Variants in CPSF7 observed in about 807,000 individuals in gnomAD.
CPSF7 encodes the protein cleavage and polyadenylation specificity factor subunit 7.
In CPSF7, 1 loss-of-function variant was observed where a neutral mutation model predicts 44.3. That is an observed-to-expected ratio of 0.02 (90% confidence interval 0.01 to 0.11). The LOEUF is 0.11. CPSF7 is among the 10% of genes least tolerant of loss of function. The pLI, the probability that CPSF7 is intolerant of heterozygous loss-of-function variation, is 1.00. For missense variants in CPSF7, 443 were observed against 607.2 expected, an observed-to-expected ratio of 0.73 and a Z score of 2.84; for synonymous variants, 202 against 222.0, an observed-to-expected ratio of 0.91 and a Z score of 0.80.
chr11:61,406,413 C>T (rs1271616047), intron 9 of CPSF7, among the ~76,000 whole-genome samples: 2 of 152,250 alleles, frequency 1.3e-5, no homozygotes, highest in Admixed American at 6.5e-5. Flanking sequence ...CATGTACCAT[C>T]TTCCCAACAT....
At chr11:61,422,062 C>G (rs1181900266) in intron 2 of CPSF7, among the ~76,000 whole-genome samples, 1 of 152,092 alleles carries the variant, frequency 6.6e-6, no homozygotes, top group Non-Finnish European at 1.5e-5. Context: ...TATTTAGAAA[C>G]AGAATGCAGA....
rs558859585 is a variant in CPSF7 at position 61,423,606 on chromosome 11, A to G, written c.55-1998T>C. Among the ~76,000 whole-genome samples, 6 of 152,354 alleles carry G rather than the reference A, an allele frequency of 3.9e-5. No individual in the cohort carries two copies. In the South Asian group the frequency reaches 1.2e-3, roughly 32 times the overall value. ...AGTAGTTCAGTGTTTTAAGGATGCTACGGCAGTTTCATATTGCTATTCTTT... is the reference window on the plus strand; with the variant it reads ...AGTAGTTCAGTGTTTTAAGGATGCTGCGGCAGTTTCATATTGCTATTCTTT... On this transcript the variant is annotated intron_variant, in intron 2 of 9. Transcript: ENST00000439958.
chr11:61,410,096 G>GC (rs1459711464), intron 9 of CPSF7, among the ~76,000 whole-genome samples: 3 of 146,206 alleles, frequency 2.1e-5, no homozygotes, highest in Non-Finnish European at 3.0e-5. Context: ...GCACCCACCC[G>GC]CCCCTCCTCC....
intron 5 of CPSF7, among the ~76,000 whole-genome samples, chr11:61,418,139 T>C (rs1565110260): frequency 6.6e-6 from 1 of 152,168 alleles, no homozygotes; most frequent in Non-Finnish European, 1.5e-5. Context: ...ACACCAAATC[T>C]ATCTAGGCTG....
rs760385452 is a variant in CPSF7 at position 61,420,464 on chromosome 11, C to CCT, written c.377+4_377+5dup. On this transcript the variant is annotated splice_donor_region_variant and intron_variant, in intron 4 of 9. Transcript: ENST00000439958. ...TTAAAAGGGGCTTCTCAAATCCAGACCTCACCCTTTGGACTGGCCATTTGC... is the reference window on the plus strand; with the variant it reads ...TTAAAAGGGGCTTCTCAAATCCAGACCTCTCACCCTTTGGACTGGCCATTTGC... 74 of 1,607,616 alleles carry CCT rather than the reference C, an allele frequency of 4.6e-5. No individual in the cohort carries two copies. Among genetic ancestry groups the CCT allele is most frequent in the Non-Finnish European group, 5.7e-5 (67 of 1,174,158 alleles).
In CPSF7 at chr11:61,403,095, A is replaced by G. The variant is rs896087992; in HGVS notation, c.*1615T>C. 84 of 152,356 alleles carry G rather than the reference A, an allele frequency of 5.5e-4. No homozygotes were observed. The highest frequency in any genetic ancestry group is 1.1e-3 in the African/African-American group (47 of 41,464). 9.4% of individuals were successfully genotyped at this position (152,356 alleles called of 1,614,324 possible). ...TGGGGATGGGGTTGGGGGACAGGGG[A>G]AAAAAAGCTCCAACCTGTAGCCTCT... On this transcript the variant is annotated 3_prime_UTR_variant, in exon 10 of 10. Coordinates refer to ENST00000439958, the MANE Select transcript of CPSF7 (RefSeq NM_001142565.3).
intron 5 of CPSF7, among the ~76,000 whole-genome samples, chr11:61,417,398 C>T (rs1271294016): frequency 1.3e-5 from 2 of 152,210 alleles, no homozygotes; most frequent in Non-Finnish European, 2.9e-5. Context: ...TGTCAAGTCA[C>T]TTGGTTAAAC....
At chr11:61,427,563 G>C (rs1861497065) in intron 2 of CPSF7, among the ~76,000 whole-genome samples, 1 of 150,140 alleles carries the variant, frequency 6.7e-6, no homozygotes, top group Non-Finnish European at 1.5e-5. Context: ...TGAGGCAGGA[G>C]AATCACTTTA....
At chr11:61,409,413 G>A (rs1366035035) in intron 9 of CPSF7, among the ~76,000 whole-genome samples, 2 of 151,804 alleles carry the variant, frequency 1.3e-5, no homozygotes, top group South Asian at 2.1e-4. Context: ...GGAGTTTGCA[G>A]TGAGCCGAGA....
Position 61,411,761 on chromosome 11 carries a change from C to G in CPSF7, c.1226+8G>C. ...GGCTGGTAGGTGAGGACACAATCAC[C>G]AACTCACCTGGAAGAGCTCCCACTG... is the stretch of plus-strand genomic sequence containing the variant. On this transcript the variant is annotated splice_region_variant and intron_variant, in intron 8 of 9. Transcript: ENST00000439958. The G allele has an allele frequency of 1.2e-6, 2 of 1,607,614 alleles. No homozygotes were observed. The highest frequency in any genetic ancestry group is 1.7e-6 in the Non-Finnish European group (2 of 1,175,834).
chr11:61,421,977 C>T (rs61895957), intron 2 of CPSF7, among the ~76,000 whole-genome samples: 11,796 of 152,264 alleles, frequency 0.077, 599 homozygotes, highest in Non-Finnish European at 0.11. Flanking sequence ...CTAATGAAAA[C>T]TTATTTTCAG....
chr11:61,429,937 C>T lies in CPSF7; in HGVS notation c.-79G>A. On this transcript the variant is annotated 5_prime_UTR_variant, in exon 1 of 10. Transcript: ENST00000439958. ...ACCGGGAATATGGCGGCGGCGGCGG[C>T]GAGTCCGGACTAGGCCCGAAGCGCG... 2 of 1,411,036 alleles carry T rather than the reference C, an allele frequency of 1.4e-6. No homozygotes were observed. The highest frequency in any genetic ancestry group is 9.5e-7 in the Non-Finnish European group (1 of 1,052,402). The allele number at this position is 1,411,036 out of a possible 1,614,324, so 87.4% of individuals were successfully genotyped here. A position where few individuals can be genotyped will look rare whatever the true frequency, so the allele number is the denominator to read the frequency against.
chr11:61,422,585 G>A (rs1414185449), intron 2 of CPSF7, among the ~76,000 whole-genome samples: 5 of 152,128 alleles, frequency 3.3e-5, no homozygotes, highest in African/African-American at 7.2e-5. Flanking sequence ...CCAAAGTGCC[G>A]GGATTACAGG....
intron 2 of CPSF7, among the ~76,000 whole-genome samples, chr11:61,423,957 T>C (rs1861128448): frequency 6.6e-6 from 1 of 152,300 alleles, no homozygotes; most frequent in Admixed American, 6.5e-5. Context: ...CTAAAGCATA[T>C]AAATAATTTC....
In CPSF7 at chr11:61,424,802, G is replaced by A. The variant is rs193017613; in HGVS notation, c.55-3194C>T. Among the ~76,000 whole-genome samples the A allele has an allele frequency of 7.5e-4, 114 of 152,228 alleles. 1 individual carries two copies. Among genetic ancestry groups the A allele is most frequent in the Non-Finnish European group, 2.8e-4 (19 of 68,010 alleles). On this transcript the variant is annotated intron_variant, in intron 2 of 9. Coordinates refer to ENST00000439958, the MANE Select transcript of CPSF7 (RefSeq NM_001142565.3). ...TTCAAATGACACGTAAACAGAATAA[G>A]GAAACACATCATCTTGGATAATCGA...
chr11:61,411,087 C>A lies in CPSF7; in HGVS notation c.1245G>T (p.Arg415=). The A allele has an allele frequency of 6.2e-7, 1 of 1,610,610 alleles. No homozygotes were observed. The highest frequency in any genetic ancestry group is 1.3e-5 in the African/African-American group (1 of 74,694). The part of the protein sequence containing the change: ...GSSSRKRHRS[R]ERSPSRSRES... ...CCCGGGACCGGCTAGGTGACCTTTC[C>A]CGGGAGCGATGTCTTTTCCTATTAG... Residue 415 remains arginine, a synonymous_variant, in exon 9 of 10, where the codon CGG becomes CGT. Transcript: ENST00000439958.
intron 9 of CPSF7, among the ~76,000 whole-genome samples, chr11:61,405,416 A>C (rs1859223573): frequency 6.6e-6 from 1 of 152,214 alleles, no homozygotes; most frequent in Non-Finnish European, 1.5e-5. Context: ...AAACATACTA[A>C]CACTAAGCAG....
rs535978586 is a variant in CPSF7 at position 61,418,563 on chromosome 11, C to T, written c.523+1386G>A. ...GCCAAGCAGACCAGAATACTTGTGT[C>T]GGCTGGTCAGCGAATTCTCTTCCTA... On this transcript the variant is annotated intron_variant, in intron 5 of 9. Coordinates refer to ENST00000439958, the MANE Select transcript of CPSF7 (RefSeq NM_001142565.3). Among the ~76,000 whole-genome samples, 17 of 152,230 alleles carry T rather than the reference C, an allele frequency of 1.1e-4. No individual in the cohort carries two copies. The East Asian group carries it at 1.2e-3, about 10-fold the overall frequency.
intron 2 of CPSF7, among the ~76,000 whole-genome samples, 163 bp from the exon 3 acceptor site, chr11:61,421,771 G>T (rs1040063705): frequency 1.3e-5 from 2 of 152,184 alleles, no homozygotes; most frequent in Admixed American, 6.6e-5. Context: ...TTTTGAAACT[G>T]TATCACTTAA....
Sources: gnomAD v4.1 joint callset for allele counts (sites outside exome capture counted in the v4.1 genomes callset) on GRCh38, gnomAD v4.1.1 for gene constraint, MANE v1.5 for transcripts, NCBI Gene and HGNC (gene_info 2026-07-23, HGNC 2026-07-21) for gene names.